AFF4: variants seen among roughly 807,000 people sequenced by gnomAD.
The protein encoded by AFF4 is ALF transcription elongation factor 4, also known as AF4/FMR2 family member 4.
A neutral mutation model predicts 124.8 loss-of-function variants in AFF4; 13 were observed. The observed-to-expected ratio is 0.10, with a 90% CI of 0.07 to 0.17. The LOEUF (loss-of-function observed/expected upper bound fraction) is 0.17. Among genes scored for constraint, AFF4 ranks in the 10% least tolerant of loss-of-function variants. AFF4 has a pLI of 1.00. For synonymous variants in AFF4, 477 were observed against 496.1 expected, an observed-to-expected ratio of 0.96 and a Z score of 0.51; for missense variants, 1,092 against 1,403.8, an observed-to-expected ratio of 0.78 and a Z score of 3.55.
intron 20 of AFF4, among the ~76,000 whole-genome samples, chr5:132,881,865 C>A (rs1274109977): frequency 1.3e-5 from 2 of 149,330 alleles, no homozygotes; most frequent in Admixed American, 6.7e-5. Flanking sequence ...GGGGTTTCAC[C>A]ATGTTGGCCA....
intron 1 of AFF4, among the ~76,000 whole-genome samples, chr5:132,959,598 C>T (rs764621342): frequency 1.3e-5 from 2 of 151,802 alleles, no homozygotes; most frequent in African/African-American, 2.4e-5. Context: ...AGATATGATA[C>T]CAGCGAAAAT....
Position 132,876,848 on chromosome 5 carries a change from A to G in AFF4, c.*4211T>C, listed in dbSNP as rs544227503. 35 of 198,174 alleles carry G rather than the reference A, an allele frequency of 1.8e-4. No individual in the cohort carries two copies. Among genetic ancestry groups the G allele is most frequent in the African/African-American group, 7.6e-4 (33 of 43,518 alleles). The allele number at this position is 198,174 out of a possible 1,614,324, so 12.3% of individuals were successfully genotyped here. A position where few individuals can be genotyped will look rare whatever the true frequency, so the allele number is the denominator to read the frequency against. On this transcript the variant is annotated 3_prime_UTR_variant, in exon 21 of 21. Transcript: ENST00000265343. ...TTGGTTTTGGGGTCTAGAGGTCTAA[A>G]GTGAATTTCTCCATTAGCGAGTATC... is the stretch of plus-strand genomic sequence containing the variant.
chr5:132,940,673 C>CAA (rs1761546781), intron 1 of AFF4, among the ~76,000 whole-genome samples: 1 of 152,038 alleles, frequency 6.6e-6, no homozygotes, highest in Non-Finnish European at 1.5e-5. Flanking sequence ...TTTAAACAAT[C>CAA]AAAGTCACAC....
At chr5:132,896,163 C>T (rs1251529216) in intron 11 of AFF4, among the ~76,000 whole-genome samples, 160 bp downstream of exon 11, 1 of 152,238 alleles carries the variant, frequency 6.6e-6, no homozygotes, top group Non-Finnish European at 1.5e-5. Flanking sequence ...CAGAAATCCT[C>T]AAGAGACTGT....
intron 7 of AFF4, among the ~76,000 whole-genome samples, chr5:132,899,885 T>G (rs1760505979): frequency 6.6e-6 from 1 of 152,192 alleles, no homozygotes; most frequent in Non-Finnish European, 1.5e-5. Context: ...CTTTTCTAAT[T>G]AAACAAAAGC....
intron 14 of AFF4, 83 bp downstream of exon 14, chr5:132,888,996 A>G: frequency 5.2e-6 from 7 of 1,345,456 alleles, no homozygotes; most frequent in Non-Finnish European, 6.3e-6. Context: ...GCGCCCGGCC[A>G]ATGATAGAAA....
Position 132,889,096 on chromosome 5 carries a change from C to T in AFF4, c.2715G>A (p.Lys905=). ...TATCTCACCTGTCATCAAAGACAAG[C>T]TTTGTTCTCCGAGGCTTAGAAGAAT... ...TLDSSKPRRT[K]LVFDDRNYSA... The change falls in exon 14 of 21, where the codon AAG becomes AAA. Residue 905 remains lysine, a synonymous_variant. Coordinates refer to ENST00000265343, the MANE Select transcript of AFF4 (RefSeq NM_014423.4). The T allele has an allele frequency of 6.2e-7, 1 of 1,613,328 alleles. No homozygotes were observed. Among genetic ancestry groups the T allele is most frequent in the African/African-American group, 1.3e-5 (1 of 75,026 alleles).
intron 6 of AFF4, 83 bp downstream of exon 6, chr5:132,904,285 A>G (rs943270741): frequency 2.2e-5 from 27 of 1,225,746 alleles, no homozygotes; most frequent in Non-Finnish European, 3.2e-5. Context: ...AGGTATTACT[A>G]AAGTTATATA....
intron 7 of AFF4, chr5:132,901,137 A>C (rs1760541023): frequency 1.0e-6 from 1 of 985,306 alleles, no homozygotes; most frequent in Admixed American, 6.1e-5. Context: ...TTTTCCTCTA[A>C]GGAAATGTAC....
At chr5:132,931,419 A>C (rs1761297722) in intron 4 of AFF4, among the ~76,000 whole-genome samples, 1 of 152,108 alleles carries the variant, frequency 6.6e-6, no homozygotes, top group South Asian at 2.1e-4. Context: ...ACAGAGTGAG[A>C]CTCCATATCA....
chr5:132,916,610 C>A (rs1356732792), intron 5 of AFF4, among the ~76,000 whole-genome samples: 1 of 152,114 alleles, frequency 6.6e-6, no homozygotes, highest in Non-Finnish European at 1.5e-5. Flanking sequence ...GGTCTCAACT[C>A]CTTGGGAAGA....
intron 1 of AFF4, among the ~76,000 whole-genome samples, chr5:132,948,113 C>T (rs1244497027): frequency 2.0e-5 from 3 of 151,882 alleles, no homozygotes; most frequent in African/African-American, 4.8e-5. Flanking sequence ...TGCAGTGGCA[C>T]GATCTCGGCT....
intron 6 of AFF4, 125 bp from the exon 7 acceptor site, chr5:132,902,612 G>T (rs1203230611): frequency 2.7e-6 from 2 of 743,084 alleles, no homozygotes; most frequent in Admixed American, 2.3e-5. Context: ...CCACCAAACT[G>T]GTAACACCTT....
intron 2 of AFF4, 50 bp downstream of exon 2, chr5:132,937,017 C>CA: frequency 2.6e-6 from 4 of 1,556,706 alleles, no homozygotes; most frequent in Non-Finnish European, 3.5e-6. Context: ...ATTTTAAAAG[C>CA]AAAAATGTCA....
chr5:132,912,602 C>A (rs572802555), intron 5 of AFF4, among the ~76,000 whole-genome samples: 1 of 152,178 alleles, frequency 6.6e-6, no homozygotes, highest in South Asian at 2.1e-4. Context: ...CTCAAGTGAT[C>A]CTCCTTCCTC....
At chr5:132,950,124 G>A (rs1205645610) in intron 1 of AFF4, among the ~76,000 whole-genome samples, 1 of 152,158 alleles carries the variant, frequency 6.6e-6, no homozygotes, top group Non-Finnish European at 1.5e-5. Context: ...GAGGTCAGGA[G>A]TTCAAGACCA....
At chr5:132,906,678 C>A (rs537847679) in intron 5 of AFF4, among the ~76,000 whole-genome samples, 1 of 152,150 alleles carries the variant, frequency 6.6e-6, no homozygotes, top group African/African-American at 2.4e-5. Context: ...TAAATAAACT[C>A]AAAACTACTG....
chr5:132,916,709 T>C (rs1760919797), intron 5 of AFF4, among the ~76,000 whole-genome samples: 1 of 152,094 alleles, frequency 6.6e-6, no homozygotes, highest in Non-Finnish European at 1.5e-5. Flanking sequence ...TGTTATTGAC[T>C]TGCTGTGTGC....
intron 2 of AFF4, among the ~76,000 whole-genome samples, chr5:132,936,295 T>C (rs897388118): frequency 3.5e-4 from 47 of 132,786 alleles, no homozygotes; most frequent in African/African-American, 1.2e-3. Context: ...AAAAAAAAAT[T>C]AACTTCCACA....
Sources: gnomAD v4.1 joint callset for allele counts (sites outside exome capture counted in the v4.1 genomes callset) on GRCh38, gnomAD v4.1.1 for gene constraint, MANE v1.5 for transcripts, NCBI Gene and HGNC (gene_info 2026-07-23, HGNC 2026-07-21) for gene names.